MACF1: variants seen among roughly 807,000 people sequenced by gnomAD.
MACF1 encodes the protein microtubule actin crosslinking factor 1.
In MACF1, 193 loss-of-function variants were observed where a neutral mutation model predicts 854.8. That is an observed-to-expected ratio of 0.23 (90% CI 0.20 to 0.25). MACF1 has a LOEUF of 0.25. MACF1 is among the 10% of genes least tolerant of loss of function. MACF1 has a pLI of 1.00. For synonymous variants in MACF1, 3,185 were observed against 3,226.7 expected (o/e 0.99, Z 0.44); for missense variants, 7,722 against 8,929.1 (o/e 0.86, Z 5.45).
intron 2 of MACF1, among the ~76,000 whole-genome samples, chr1:39,248,028 G>T (rs1422239257): frequency 6.6e-6 from 1 of 152,078 alleles, no homozygotes; most frequent in Non-Finnish European, 1.5e-5. Context: ...CTCAAAAAAT[G>T]TATATATTCT....
chr1:39,247,346 C>T (rs1161200574), intron 2 of MACF1, among the ~76,000 whole-genome samples: 2 of 152,090 alleles, frequency 1.3e-5, no homozygotes, highest in East Asian at 3.8e-4. Context: ...GCTGGGATTA[C>T]AGGTGTGAGC....
intron 58 of MACF1, chr1:39,413,114 G>A (rs776856717): frequency 6.2e-7 from 1 of 1,609,060 alleles, no homozygotes; most frequent in Non-Finnish European, 8.5e-7. Flanking sequence ...GCTGTCGCAG[G>A]GTTCTCCCCA....
intron 2 of MACF1, among the ~76,000 whole-genome samples, chr1:39,187,850 CTCTCTCTCTCTCTCTG>C (rs1378530408): frequency 9.4e-6 from 1 of 106,306 alleles, no homozygotes; most frequent in East Asian, 3.2e-4. Flanking sequence ...GGCTGTCTTT[CTCTCTCTCTCTCTCTG>C]TCTCTCTCTC....
At chr1:39,104,080 C>T (rs1200950921) in intron 2 of MACF1, among the ~76,000 whole-genome samples, 1 of 152,168 alleles carries the variant, frequency 6.6e-6, no homozygotes, top group Non-Finnish European at 1.5e-5. Context: ...CTCAGTGTTG[C>T]ATGAATTCTT....
chr1:39,382,902 C>T (rs1166252716), intron 56 of MACF1, among the ~76,000 whole-genome samples: 1 of 151,890 alleles, frequency 6.6e-6, no homozygotes, highest in Non-Finnish European at 1.5e-5. Flanking sequence ...GGGTGGATCA[C>T]CTGAGGTCAG....
At chr1:39,360,012 A>AAAAAATAT (rs1557608845) in intron 47 of MACF1, among the ~76,000 whole-genome samples, 3 of 28,830 alleles carry the variant, frequency 1.0e-4, no homozygotes, top group Non-Finnish European at 1.3e-4. Flanking sequence ...AAAAAAAAAA[A>AAAAAATAT]ATATATATAT....
At position 39,384,348 on chromosome 1, in the gene MACF1, A is replaced by G. The variant is rs186301457; in HGVS notation, c.13849-1086A>G. The stretch of plus-strand genomic sequence containing the variant: ...TACACATTTGTCATTTCGTGAGGCT[A>G]TGTCTTATTTATTTTTGTGCAGTGT... On this transcript the variant is annotated intron_variant, in intron 56 of 100. Coordinates refer to ENST00000564288, the MANE Select transcript of MACF1 (RefSeq NM_001394062.1). 2.4e-4 allele frequency among the ~76,000 whole-genome samples: 36 copies of G among 152,258 alleles called. 1 individual carries two copies. The highest frequency in any genetic ancestry group is 8.4e-4 in the African/African-American group (35 of 41,530).
chr1:39,363,890 G>C (rs553301642), intron 49 of MACF1, among the ~76,000 whole-genome samples: 1 of 152,228 alleles, frequency 6.6e-6, no homozygotes, highest in African/African-American at 2.4e-5. Flanking sequence ...GGGATTATAG[G>C]CATGAGCCAC....
intron 2 of MACF1, among the ~76,000 whole-genome samples, chr1:39,126,454 G>A (rs1642862416): frequency 6.6e-6 from 1 of 152,116 alleles, no homozygotes; most frequent in African/African-American, 2.4e-5. Flanking sequence ...CAGTCCCTGG[G>A]GTTAGGACAT....
At chr1:39,411,008 T>A (rs370625542) in intron 58 of MACF1, 3 of 1,613,886 alleles carry the variant, frequency 1.9e-6, no homozygotes, top group South Asian at 1.1e-5. Context: ...AACACAGATG[T>A]AATGCAGGAA....
intron 2 of MACF1, among the ~76,000 whole-genome samples, chr1:39,170,549 T>G (rs1441070890): frequency 6.6e-6 from 1 of 152,198 alleles, no homozygotes. Flanking sequence ...CAGGCAGGAC[T>G]CTAAGTGAGG....
intron 2 of MACF1, among the ~76,000 whole-genome samples, chr1:39,115,737 C>T (rs1191920818): frequency 6.6e-6 from 1 of 152,074 alleles, no homozygotes; most frequent in Non-Finnish European, 1.5e-5. Flanking sequence ...GAGACAAAAA[C>T]TCTGGGGAAC....
chr1:39,376,399 T>C (rs1389088966), intron 52 of MACF1, among the ~76,000 whole-genome samples: 1 of 152,214 alleles, frequency 6.6e-6, no homozygotes, highest in African/African-American at 2.4e-5. Flanking sequence ...TTCCTTACAT[T>C]TATCTAGCTC....
chr1:39,439,278 C>G lies in MACF1; in HGVS notation c.18225C>G (p.Ile6075Met). The change falls in exon 72 of 101, where the codon ATC (isoleucine) becomes ATG (methionine). Residue 6075 changes from isoleucine to methionine, a missense_variant. Transcript: ENST00000564288. ...CTCTTTTTTTAACCTCCTCAGAAAT[C>G]CAGGATAAATTGGATCAAATGGTAT... ...GADKDLAAKE[I>M]QDKLDQMVFF... The G allele has an allele frequency of 6.2e-7, 1 of 1,604,960 alleles. No homozygotes were observed. The highest frequency in any genetic ancestry group is 2.2e-5 in the East Asian group (1 of 44,742).
Position 39,432,562 on chromosome 1 carries a change from G to A in MACF1, c.17365G>A (p.Ala5789Thr), listed in dbSNP as rs1272094650. ...TGAGCAAGCTGCCGATGCAGAACTA[G>A]CTTGGGTTGCTGAAACAAAACGGAA... Reference protein sequence around the residue: ...QYEQAADAELAWVAETKRKLM... With the variant: ...QYEQAADAELTWVAETKRKLM... The change falls in exon 67 of 101, where the codon GCT (alanine) becomes ACT (threonine). Residue 5789 changes from alanine (A) to threonine (T), a missense_variant. By Grantham distance (58) the Ala-to-Thr change is moderately conservative (BLOSUM62 0). Transcript: ENST00000564288. 6.2e-7 allele frequency: 1 copy of A among 1,614,068 alleles called. No individual in the cohort carries two copies. Among genetic ancestry groups the A allele is most frequent in the South Asian group, 1.1e-5 (1 of 91,072 alleles).
intron 1 of MACF1, among the ~76,000 whole-genome samples, chr1:39,222,753 C>G (rs1350732072): frequency 6.6e-6 from 1 of 152,192 alleles, no homozygotes; most frequent in Non-Finnish European, 1.5e-5. Context: ...ACTCTACTTC[C>G]CTTCTGTGTC....
intron 2 of MACF1, chr1:39,154,142 C>T (rs1367190680): frequency 2.0e-5 from 3 of 152,208 alleles, no homozygotes; most frequent in African/African-American, 7.2e-5. Flanking sequence ...AGTTGGAAGT[C>T]AGCTGTGCCC....
At chr1:39,191,346 C>G (rs145941308) in intron 2 of MACF1, among the ~76,000 whole-genome samples, 11 of 152,284 alleles carry the variant, frequency 7.2e-5, no homozygotes, top group Middle Eastern at 3.4e-3. Context: ...CCTTCCTCCA[C>G]TTCTCTCACT....
intron 95 of MACF1, among the ~76,000 whole-genome samples, chr1:39,466,553 A>T (rs866782685): frequency 2.2e-4 from 33 of 152,034 alleles, no homozygotes; most frequent in African/African-American, 7.7e-4. Context: ...ACAGGTGCAT[A>T]CTCCCTGCCT....
Sources: allele counts gnomAD v4.1 joint callset (sites outside exome capture counted in the v4.1 genomes callset), GRCh38; gene constraint gnomAD v4.1.1; transcripts MANE v1.5; gene names NCBI Gene and HGNC (gene_info 2026-07-23, HGNC 2026-07-21).